The following SNRPN variants were observed in gnomAD, a reference collection of about 807,000 sequenced individuals.
SNRPN encodes the protein small nuclear ribonucleoprotein polypeptide N.
A neutral mutation model predicts 25.2 loss-of-function variants in SNRPN; 7 were observed. The ratio of observed to expected loss-of-function variants is 0.28; its 90% confidence interval spans 0.16 to 0.52. The LOEUF is 0.52. Ranked by LOEUF, SNRPN falls within the 20% of genes least tolerant of loss-of-function variation. The pLI, the probability that SNRPN is intolerant of heterozygous loss-of-function variation, is 0.96. For synonymous variants in SNRPN, 124 were observed against 110.6 expected (o/e 1.12, Z -0.76); for missense variants, 196 against 322.5 (o/e 0.61, Z 3.00).
intron 2 of SNRPN, among the ~76,000 whole-genome samples, chr15:24,838,827 G>C (rs549274693): frequency 1.3e-5 from 2 of 152,104 alleles, no homozygotes; most frequent in South Asian, 4.2e-4. Flanking sequence ...TAGCACCCTG[G>C]TCCTCCCTGA....
intron 1 of SNRPN, among the ~76,000 whole-genome samples, chr15:24,959,542 T>C (rs1483890199): frequency 3.3e-5 from 5 of 152,244 alleles, no homozygotes; most frequent in Admixed American, 2.6e-4. Flanking sequence ...ACCTTTCATA[T>C]TGAGCAACTG....
rs2152071995 is a variant in SNRPN, at chr15:24,909,913, A to T, written c.-504-10098A>T. ...GCAGGGAGAAGGGGAAAGCTTTTTAATCTTCAGTGGGTACCTGGAACAAGG... is the reference window on the plus strand; with the variant it reads ...GCAGGGAGAAGGGGAAAGCTTTTTATTCTTCAGTGGGTACCTGGAACAAGG... On this transcript the variant is annotated intron_variant, in intron 2 of 11. Coordinates refer to the SNRPN transcript ENST00000400097. 3 of 583,316 alleles carry T rather than the reference A, an allele frequency of 5.1e-6. No homozygotes were observed. In the African/African-American group the frequency reaches 5.6e-5, roughly 11 times the overall value. The allele number at this position is 583,316 out of a possible 1,614,324, so 36.1% of individuals were successfully genotyped here.
Position 24,974,405 on chromosome 15 carries a change from G to A in SNRPN, c.-49G>A, listed in dbSNP as rs1426667554. Reference sequence around the variant, plus strand: ...TCTATAGCCTTCCCCTAGGTCTTCAGAAGCATCAAGTTTTAACTGTGGACA... The same window carrying A: ...TCTATAGCCTTCCCCTAGGTCTTCAAAAGCATCAAGTTTTAACTGTGGACA... On this transcript the variant is annotated 5_prime_UTR_variant, in exon 4 of 10. Coordinates refer to ENST00000390687, the MANE Select transcript of SNRPN (RefSeq NM_003097.6). 6.2e-7 allele frequency: 1 copy of A among 1,600,896 alleles called. No homozygotes were observed. The highest frequency in any genetic ancestry group is 8.6e-7 in the Non-Finnish European group (1 of 1,168,178).
Position 24,976,903 on chromosome 15 carries a change from T to C in SNRPN, c.294T>C (p.Ala98=). Residue 98 remains alanine (A), a synonymous_variant, in exon 7 of 10, where the codon GCT becomes GCC. Transcript: ENST00000390687. ...KDTGIARVPL[A]GAAGGPGVGR... ...CTGGCATTGCTCGGGTACCACTTGCTGGAGCTGCTGGAGGCCCTGGGGTTG... is the reference window on the plus strand; with the variant it reads ...CTGGCATTGCTCGGGTACCACTTGCCGGAGCTGCTGGAGGCCCTGGGGTTG... 6.2e-7 allele frequency: 1 copy of C among 1,608,426 alleles called. No individual in the cohort carries two copies. The highest frequency in any genetic ancestry group is 8.5e-7 in the Non-Finnish European group (1 of 1,178,500).
chr15:24,926,264 A>T (rs2060371081), intron 3 of SNRPN, among the ~76,000 whole-genome samples: 1 of 152,132 alleles, frequency 6.6e-6, no homozygotes, highest in Admixed American at 6.6e-5. Context: ...TTTAAATTAT[A>T]TATGTAAATT....
At chr15:24,969,000 A>G (rs1424144891) in intron 3 of SNRPN, among the ~76,000 whole-genome samples, 1 of 152,122 alleles carries the variant, frequency 6.6e-6, no homozygotes, top group Non-Finnish European at 1.5e-5. Flanking sequence ...TACTTTTTAC[A>G]AAGTAAGAGC....
intron 1 of SNRPN, among the ~76,000 whole-genome samples, chr15:24,873,633 G>A (rs929918700): frequency 2.0e-5 from 3 of 151,982 alleles, no homozygotes; most frequent in Non-Finnish European, 4.4e-5. Context: ...ATTTTTAGTA[G>A]AGACGGGGTT....
intron 3 of SNRPN, among the ~76,000 whole-genome samples, chr15:24,945,627 C>A (rs2153115443): frequency 6.6e-6 from 1 of 152,244 alleles, no homozygotes; most frequent in East Asian, 1.9e-4. Context: ...TTTTCTAAAA[C>A]ATAGGCATGG....
chr15:24,842,702 C>T (rs893343953), intron 2 of SNRPN, among the ~76,000 whole-genome samples: 2 of 152,186 alleles, frequency 1.3e-5, no homozygotes, highest in Non-Finnish European at 2.9e-5. Context: ...CAGAACAAGG[C>T]CAGGGTTGTT....
intron 2 of SNRPN, among the ~76,000 whole-genome samples, chr15:24,892,626 A>G (rs2057766406): frequency 9.6e-6 from 1 of 104,588 alleles, no homozygotes; most frequent in Non-Finnish European, 1.9e-5. Flanking sequence ...AATCCCAGCT[A>G]CTCGGGAGGC....
At chr15:24,876,689 C>T (rs1447911940) in intron 1 of SNRPN, among the ~76,000 whole-genome samples, 1 of 151,034 alleles carries the variant, frequency 6.6e-6, no homozygotes, top group Non-Finnish European at 1.5e-5. Flanking sequence ...AATGCATGAG[C>T]ATACAACCCA....
intron 1 of SNRPN, among the ~76,000 whole-genome samples, chr15:24,960,688 G>A (rs1372488701): frequency 6.6e-6 from 1 of 152,134 alleles, no homozygotes; most frequent in African/African-American, 2.4e-5. Flanking sequence ...TTGGAGGACT[G>A]TCTATTCAAG....
chr15:24,970,499 A>G (rs2076265043), intron 3 of SNRPN, among the ~76,000 whole-genome samples: 1 of 152,180 alleles, frequency 6.6e-6, no homozygotes, highest in Non-Finnish European at 1.5e-5. Context: ...GAATTTCTTG[A>G]ACCCTAGGGG....
intron 2 of SNRPN, among the ~76,000 whole-genome samples, chr15:24,836,012 A>G (rs2051148043): frequency 6.6e-6 from 1 of 152,036 alleles, no homozygotes; most frequent in Non-Finnish European, 1.5e-5. Context: ...AAAGTACCAG[A>G]GACTGGGTGG....
chr15:24,826,742 G>A (rs1478957702), intron 1 of SNRPN, among the ~76,000 whole-genome samples: 1 of 152,062 alleles, frequency 6.6e-6, no homozygotes, highest in Non-Finnish European at 1.5e-5. Flanking sequence ...GCCATTCTGT[G>A]TCAACAAATC....
chr15:24,879,240 G>C (rs889548550), intron 1 of SNRPN, among the ~76,000 whole-genome samples: 3 of 152,018 alleles, frequency 2.0e-5, no homozygotes, highest in African/African-American at 7.2e-5. Flanking sequence ...TTCGAGACCA[G>C]CCTGGGCAAC....
chr15:24,975,463 C>T lies in SNRPN; in HGVS notation c.109C>T (p.His37Tyr). 3.1e-6 allele frequency: 5 copies of T among 1,613,818 alleles called. No homozygotes were observed. The highest frequency in any genetic ancestry group is 4.2e-6 in the Non-Finnish European group (5 of 1,179,778). Residue 37 changes from histidine to tyrosine, a missense_variant, in exon 5 of 10, where the codon CAT becomes TAT. Transcript: ENST00000390687. ...TGGCACCTTTAAGGCTTTTGACAAGCATATGAATTTGATCCTCTGTGATTG... is the reference window on the plus strand; with the variant it reads ...TGGCACCTTTAAGGCTTTTGACAAGTATATGAATTTGATCCTCTGTGATTG... ...FIGTFKAFDK[H>Y]MNLILCDCDE...
At chr15:24,894,696 G>T (rs1034319193) in intron 2 of SNRPN, among the ~76,000 whole-genome samples, 6 of 152,172 alleles carry the variant, frequency 3.9e-5, no homozygotes, top group Admixed American at 2.0e-4. Flanking sequence ...AAGGGACAAG[G>T]AGTTTTTACT....
rs191179640 is a variant in SNRPN, at chr15:24,906,251, G to A, written c.-504-13760G>A. Among the ~76,000 whole-genome samples, 19 of 152,164 alleles carry A rather than the reference G, an allele frequency of 1.2e-4. No homozygotes were observed. The East Asian group carries it at 3.3e-3, about 26-fold the overall frequency. On this transcript the variant is annotated intron_variant, in intron 2 of 11. Transcript: ENST00000400097. Reference sequence around the variant, plus strand: ...AAGCCATATTCCACCTCAGCCTCCCGAGTAGCTGGGACTACAGGTGGGTGC... The same window carrying A: ...AAGCCATATTCCACCTCAGCCTCCCAAGTAGCTGGGACTACAGGTGGGTGC...
Sources: gnomAD v4.1 joint callset for allele counts (sites outside exome capture counted in the v4.1 genomes callset) on GRCh38, gnomAD v4.1.1 for gene constraint, MANE v1.5 for transcripts, NCBI Gene and HGNC (gene_info 2026-07-23, HGNC 2026-07-21) for gene names.